NRXN1: variants seen among roughly 807,000 people sequenced by gnomAD.
NRXN1 encodes the protein neurexin-1.
NRXN1 carries 39 observed loss-of-function variants against 150.9 expected under a neutral mutation model. The ratio of observed to expected loss-of-function variants is 0.26; its 90% confidence interval spans 0.20 to 0.34. NRXN1 has a LOEUF of 0.34. NRXN1 is among the 10% of genes least tolerant of loss of function. The pLI, the probability that NRXN1 is intolerant of heterozygous loss-of-function variation, is 1.00. For missense variants in NRXN1, 1,815 were observed against 1,949.9 expected (o/e 0.93, Z 1.30); for synonymous variants, 924 against 757.0 (o/e 1.22, Z -3.62).
chr2:50,346,930 C>T lies in NRXN1; in HGVS notation c.3365-109960G>A, dbSNP rs1285100018. On this transcript the variant is annotated intron_variant, in intron 17 of 22. Coordinates refer to ENST00000401669, the MANE Select transcript of NRXN1 (RefSeq NM_001330078.2). This position sits in a 1 kb window ranked among gnomAD's most constrained non-coding sequence, Gnocchi z 5.0. ...GGGCGAGCCCAGCTCGGCGCCGCAC[C>T]GGAGCATCCTCTGGTACATGGCGGG... 9.9e-6 allele frequency: 13 copies of T among 1,318,354 alleles called. No individual in the cohort carries two copies. Among genetic ancestry groups the T allele is most frequent in the Non-Finnish European group, 1.3e-5 (13 of 1,033,836 alleles). The allele number at this position is 1,318,354 out of a possible 1,614,324, so 81.7% of individuals were successfully genotyped here.
At chr2:50,428,779 T>C (rs1394188779) in intron 17 of NRXN1, among the ~76,000 whole-genome samples, 1 of 152,212 alleles carries the variant, frequency 6.6e-6, no homozygotes, top group Non-Finnish European at 1.5e-5. Context: ...GAGGTTTACA[T>C]TAATTTTCTC....
At chr2:50,403,159 T>C (rs549156825) in intron 17 of NRXN1, among the ~76,000 whole-genome samples, 4 of 152,074 alleles carry the variant, frequency 2.6e-5, no homozygotes, top group Admixed American at 6.6e-5. Flanking sequence ...CTTTGAACAA[T>C]GTATGTTGCT....
At chr2:50,876,655 A>G (rs1259589567) in intron 5 of NRXN1, among the ~76,000 whole-genome samples, 1 of 151,808 alleles carries the variant, frequency 6.6e-6, no homozygotes, top group Admixed American at 6.6e-5. Context: ...AGAATCTGTA[A>G]TTCTAATGAG....
intron 17 of NRXN1, among the ~76,000 whole-genome samples, chr2:50,396,581 C>A (rs564690244): frequency 6.6e-6 from 1 of 152,018 alleles, no homozygotes; most frequent in African/African-American, 2.4e-5. Flanking sequence ...GGTCAAAAAA[C>A]GAGAACTTCT....
At chr2:50,999,326 C>T (rs987513998) in intron 2 of NRXN1, among the ~76,000 whole-genome samples, 3 of 152,062 alleles carry the variant, frequency 2.0e-5, no homozygotes, top group Non-Finnish European at 2.9e-5. Flanking sequence ...GGATACTCCA[C>T]AGTATGCTTA....
intron 17 of NRXN1, among the ~76,000 whole-genome samples, chr2:50,450,924 G>A (rs1198020199): frequency 1.3e-5 from 2 of 152,108 alleles, no homozygotes; most frequent in African/African-American, 4.8e-5. Context: ...TTTACACTCC[G>A]AAACAATTGA....
At chr2:50,812,319 C>T (rs907081360) in intron 5 of NRXN1, among the ~76,000 whole-genome samples, 6 of 152,130 alleles carry the variant, frequency 3.9e-5, no homozygotes, top group Non-Finnish European at 7.4e-5. Flanking sequence ...GAAATAATAT[C>T]TTTGCGGTTA....
At chr2:50,505,233 A>G (rs886818825) in intron 13 of NRXN1, among the ~76,000 whole-genome samples, 1 of 152,146 alleles carries the variant, frequency 6.6e-6, no homozygotes, top group East Asian at 1.9e-4. Context: ...AACACACAAA[A>G]CAAAAAAATA....
At chr2:50,960,429 G>A (rs911747239) in intron 2 of NRXN1, among the ~76,000 whole-genome samples, 1 of 149,550 alleles carries the variant, frequency 6.7e-6, no homozygotes, top group African/African-American at 2.5e-5. Flanking sequence ...CATTTTAAAT[G>A]ATTTGAAACC....
At chr2:50,642,646 G>T (rs980700075) in intron 5 of NRXN1, among the ~76,000 whole-genome samples, 1 of 151,856 alleles carries the variant, frequency 6.6e-6, no homozygotes, top group Non-Finnish European at 1.5e-5. Context: ...ATGGATTTAG[G>T]GACAATTGCA....
At chr2:50,650,515 C>A (rs570152289) in intron 5 of NRXN1, among the ~76,000 whole-genome samples, 2 of 152,016 alleles carry the variant, frequency 1.3e-5, no homozygotes, top group African/African-American at 4.8e-5. Flanking sequence ...TCGGCAGCAG[C>A]CTCAGTATTT....
chr2:50,323,593 A>AT (rs1558525123), intron 17 of NRXN1, among the ~76,000 whole-genome samples: 1 of 149,648 alleles, frequency 6.7e-6, no homozygotes, highest in African/African-American at 2.5e-5. Flanking sequence ...ATATATATAT[A>AT]ACTTAGCAGA....
chr2:50,183,243 A>G (rs2152813611), intron 18 of NRXN1, among the ~76,000 whole-genome samples: 1 of 152,230 alleles, frequency 6.6e-6, no homozygotes, highest in Non-Finnish European at 1.5e-5. Flanking sequence ...TGCTCCTTAA[A>G]TAACACAATT....
At chr2:50,784,440 A>G (rs1704803515) in intron 5 of NRXN1, among the ~76,000 whole-genome samples, 1 of 152,076 alleles carries the variant, frequency 6.6e-6, no homozygotes, top group African/African-American at 2.4e-5. Context: ...CTGGAGAAGA[A>G]GAATGTGGAG....
At chr2:50,466,470 C>A in intron 16 of NRXN1, 1 of 473,182 alleles carries the variant, frequency 2.1e-6, no homozygotes, top group Non-Finnish European at 4.4e-6. Context: ...CCTTGCAAGT[C>A]AGCTTTCATC....
chr2:50,446,811 C>T (rs1412258658), intron 17 of NRXN1, among the ~76,000 whole-genome samples: 1 of 151,960 alleles, frequency 6.6e-6, no homozygotes, highest in East Asian at 1.9e-4. Context: ...TACAAATATG[C>T]ATTATTTTTA....
intron 13 of NRXN1, among the ~76,000 whole-genome samples, chr2:50,498,304 C>A (rs562379333): frequency 1.3e-5 from 2 of 152,132 alleles, no homozygotes; most frequent in East Asian, 1.9e-4. Context: ...CCTCTTCGTG[C>A]TCAATAATGA....
At chr2:50,176,364 C>A (rs1423815894) in intron 18 of NRXN1, among the ~76,000 whole-genome samples, 1 of 152,056 alleles carries the variant, frequency 6.6e-6, no homozygotes, top group Non-Finnish European at 1.5e-5. Context: ...CAGCATTTCC[C>A]AAACTCTTTG....
At chr2:50,315,170 CT>C (rs1031972113) in intron 17 of NRXN1, among the ~76,000 whole-genome samples, 4 of 151,822 alleles carry the variant, frequency 2.6e-5, no homozygotes, top group Admixed American at 6.6e-5. Flanking sequence ...AATATGTGAG[CT>C]TTTTTTTCCC....
Sources: gnomAD v4.1 joint callset for allele counts (sites outside exome capture counted in the v4.1 genomes callset) on GRCh38, gnomAD v4.1.1 for gene constraint, Gnocchi (gnomAD v3.1) non-coding constraint, MANE v1.5 for transcripts, NCBI Gene and HGNC (gene_info 2026-07-23, HGNC 2026-07-21) for gene names.